The following SCRN1 variants were observed in gnomAD, a reference collection of about 807,000 sequenced individuals.
SCRN1 encodes the protein secernin-1.
SCRN1 carries 19 observed loss-of-function variants against 43.3 expected under a neutral mutation model. The observed-to-expected ratio is 0.44, with a 90% CI of 0.31 to 0.64. The LOEUF is 0.64. Ranked by LOEUF, SCRN1 falls within the 30% of genes least tolerant of loss-of-function variation. The pLI, the probability that SCRN1 is intolerant of heterozygous loss-of-function variation, is 0.09. For synonymous variants in SCRN1, 183 were observed against 188.9 expected, an observed-to-expected ratio of 0.97 and a Z score of 0.26; for missense variants, 447 against 524.1, an observed-to-expected ratio of 0.85 and a Z score of 1.44.
At chr7:29,937,989 C>A (rs999440350) in intron 5 of SCRN1, among the ~76,000 whole-genome samples, 2 of 152,032 alleles carry the variant, frequency 1.3e-5, no homozygotes, top group Non-Finnish European at 2.9e-5. Context: ...GAATTGGAAC[C>A]AATCAGAATT....
intron 1 of SCRN1, among the ~76,000 whole-genome samples, chr7:29,977,511 T>C (rs1788869176): frequency 6.6e-6 from 1 of 152,212 alleles, no homozygotes; most frequent in African/African-American, 2.4e-5. Context: ...GGGATGTAAA[T>C]GCCAGCTGAT....
chr7:29,958,986 A>G (rs577042818), intron 2 of SCRN1, among the ~76,000 whole-genome samples: 2 of 152,378 alleles, frequency 1.3e-5, no homozygotes, highest in South Asian at 4.1e-4. Context: ...AAAAGAACCT[A>G]GAGCCAAAGA....
At chr7:29,981,181 A>AT (rs1388379096) in intron 1 of SCRN1, among the ~76,000 whole-genome samples, 3 of 151,722 alleles carry the variant, frequency 2.0e-5, no homozygotes, top group Admixed American at 1.3e-4. Flanking sequence ...GCTAAGTGCA[A>AT]TAAAAAAAAA....
intron 2 of SCRN1, among the ~76,000 whole-genome samples, chr7:29,963,656 G>GGCT (rs1456282661): frequency 5.6e-4 from 2 of 3,568 alleles, no homozygotes; most frequent in Admixed American, 9.4e-3. Flanking sequence ...TACATCCAAT[G>GGCT]GTATCTACAC....
At chr7:29,959,492 A>C (rs1483052829) in intron 2 of SCRN1, among the ~76,000 whole-genome samples, 1 of 152,004 alleles carries the variant, frequency 6.6e-6, no homozygotes, top group Non-Finnish European at 1.5e-5. Context: ...TGTCCTCCCA[A>C]TACCTGGGCT....
At position 29,920,862 on chromosome 7, in the gene SCRN1, C is replaced by A. The variant is rs1425696351; in HGVS notation, c.*3095G>T. On this transcript the variant is annotated 3_prime_UTR_variant, in exon 8 of 8. Transcript: ENST00000242059. ...ACAGCTAAGGTCTAACAGGCATATACCTGCTCTGTTAGTTTATAAGAAAGA... is the reference window on the plus strand; with the variant it reads ...ACAGCTAAGGTCTAACAGGCATATAACTGCTCTGTTAGTTTATAAGAAAGA... 7 of 152,164 alleles carry A rather than the reference C, an allele frequency of 4.6e-5. No individual in the cohort carries two copies. The allele number at this position is 152,164 out of a possible 1,614,324, so 9.4% of individuals were successfully genotyped here.
In SCRN1 at chr7:29,940,776, C is replaced by T. The variant is rs779015479; in HGVS notation, c.645G>A (p.Thr215=). 5.7e-5 allele frequency: 91 copies of T among 1,610,484 alleles called. 1 individual carries two copies. The Admixed American group carries it at 1.1e-3, about 19-fold the overall frequency. The change falls in exon 5 of 8, where the codon ACG becomes ACA. Residue 215 remains threonine (T), a synonymous_variant. Coordinates refer to ENST00000242059, the MANE Select transcript of SCRN1 (RefSeq NM_014766.5). The part of the protein sequence containing the change: ...RSYAQSQGWW[T]GEGEFNFSEV... ...CGGAAAAATTGAACTCGCCCTCTCC[C>T]GTCCACCAACCTTGGCTCTGAGCGT...
chr7:29,925,868 A>C (rs1162716683), intron 7 of SCRN1, among the ~76,000 whole-genome samples: 2 of 151,772 alleles, frequency 1.3e-5, no homozygotes, highest in African/African-American at 2.4e-5. Flanking sequence ...AAAAAAAAAA[A>C]AAAACCCTAG....
intron 1 of SCRN1, among the ~76,000 whole-genome samples, chr7:29,975,161 A>C (rs1788775099): frequency 1.3e-5 from 2 of 152,252 alleles, no homozygotes. Context: ...ACACGAATAT[A>C]AAAACTTAGA....
intron 6 of SCRN1, among the ~76,000 whole-genome samples, chr7:29,934,681 A>T (rs2128088037): frequency 6.6e-6 from 1 of 152,350 alleles, no homozygotes; most frequent in East Asian, 1.9e-4. Context: ...AGGTATGGCC[A>T]TGGAGCCAAA....
intron 1 of SCRN1, chr7:29,969,899 G>T (rs1562820142): frequency 4.4e-6 from 2 of 456,416 alleles, no homozygotes; most frequent in South Asian, 3.1e-5. Flanking sequence ...TGGTAGCCAA[G>T]GTAACCATCC....
chr7:29,977,941 A>C (rs1437337819), intron 1 of SCRN1, among the ~76,000 whole-genome samples: 1 of 152,236 alleles, frequency 6.6e-6, no homozygotes, highest in Non-Finnish European at 1.5e-5. Flanking sequence ...TACGTGATGA[A>C]AGCGGTCCCT....
At chr7:29,925,875 C>G (rs1335913276) in intron 7 of SCRN1, among the ~76,000 whole-genome samples, 2 of 150,824 alleles carry the variant, frequency 1.3e-5, no homozygotes, top group African/African-American at 4.9e-5. Flanking sequence ...AAAAAAAACC[C>G]TAGGAATATG....
intron 6 of SCRN1, among the ~76,000 whole-genome samples, chr7:29,929,587 G>C (rs1271341182): frequency 6.6e-6 from 1 of 152,238 alleles, no homozygotes; most frequent in African/African-American, 2.4e-5. Context: ...TGGCAGCACC[G>C]CTGGGCGGAG....
chr7:29,929,988 C>CT (rs144189700), intron 6 of SCRN1, among the ~76,000 whole-genome samples: 5,178 of 152,260 alleles, frequency 0.034, 107 homozygotes, highest in African/African-American at 0.067. Flanking sequence ...AAGTTTGTCC[C>CT]TCTCATCTAT....
Position 29,936,613 on chromosome 7 carries a change from G to A in SCRN1, c.848C>T (p.Pro283Leu), listed in dbSNP as rs141518349. Reference sequence around the variant, plus strand: ...AATGCACGGAGAGCTTCTATTCTGCGGCAGGACAGACACTCCACTGGCTGT... The same window carrying A: ...AATGCACGGAGAGCTTCTATTCTGCAGCAGGACAGACACTCCACTGGCTGT... ...LTTASGVSVL[P>L]QNRSSPCIHY... Residue 283 changes from proline to leucine, a missense_variant, in exon 6 of 8, where the codon CCG (proline) becomes CTG (leucine). Physicochemically the swap from Pro to Leu is moderately conservative, Grantham distance 98. Transcript: ENST00000242059. 8.1e-6 allele frequency: 13 copies of A among 1,606,940 alleles called. No individual in the cohort carries two copies. The East Asian group carries it at 9.0e-5, about 11-fold the overall frequency.
intron 6 of SCRN1, among the ~76,000 whole-genome samples, chr7:29,927,267 G>A (rs1037601031): frequency 2.0e-5 from 3 of 152,026 alleles, no homozygotes; most frequent in East Asian, 3.9e-4. Context: ...CAGTTCTCTC[G>A]GCAGGATGGA....
At chr7:29,970,758 C>T (rs1788642877) in intron 1 of SCRN1, among the ~76,000 whole-genome samples, 1 of 152,172 alleles carries the variant, frequency 6.6e-6, no homozygotes, top group African/African-American at 2.4e-5. Context: ...CCCGCCATGC[C>T]TCTGCACCTG....
intron 3 of SCRN1, among the ~76,000 whole-genome samples, chr7:29,952,639 G>A (rs79733682): frequency 6.6e-6 from 1 of 151,352 alleles, no homozygotes; most frequent in African/African-American, 2.4e-5. Flanking sequence ...GCAATCAGCC[G>A]AGATCATACC....
Sources: allele counts gnomAD v4.1 joint callset (sites outside exome capture counted in the v4.1 genomes callset), GRCh38; gene constraint gnomAD v4.1.1; transcripts MANE v1.5; gene names NCBI Gene and HGNC (gene_info 2026-07-23, HGNC 2026-07-21).